The following NR6A1 variants were observed in gnomAD, a reference collection of about 807,000 sequenced individuals.
NR6A1 encodes nuclear receptor subfamily 6 group A member 1.
A neutral mutation model predicts 59.1 loss-of-function variants in NR6A1; 7 were observed. The ratio of observed to expected loss-of-function variants is 0.12; its 90% CI spans 0.07 to 0.22. NR6A1 has a LOEUF of 0.22. NR6A1 is among the 10% of genes least tolerant of loss of function. The pLI is 1.00. For missense variants in NR6A1, 468 were observed against 611.6 expected (o/e 0.77, Z 2.48); for synonymous variants, 243 against 236.1 (o/e 1.03, Z -0.27).
At chr9:124,573,639 T>C (rs1834509922) in intron 2 of NR6A1, among the ~76,000 whole-genome samples, 1 of 152,204 alleles carries the variant, frequency 6.6e-6, no homozygotes, top group Non-Finnish European at 1.5e-5. Context: ...TCCACATTTT[T>C]ATGTCCGAGT....
Position 124,526,615 on chromosome 9 carries a change from G to A in NR6A1, c.1201+164C>T, listed in dbSNP as rs531039380. On this transcript the variant is annotated intron_variant, in intron 8 of 9. Transcript: ENST00000487099. ...GCATTCCCTGTACTATAAGGGTCAG[G>A]GTGATGACAAGGGGGTGCACAAGTC... 7.2e-5 allele frequency among the ~76,000 whole-genome samples: 11 copies of A among 152,186 alleles called. No homozygotes were observed. The South Asian group carries it at 2.3e-3, about 32-fold the overall frequency.
At position 124,519,022 on chromosome 9, in the gene NR6A1, C is replaced by G. The variant is rs965941016; in HGVS notation, c.*3683G>C. 3.3e-5 allele frequency: 5 copies of G among 152,118 alleles called. No individual in the cohort carries two copies. Among genetic ancestry groups the G allele is most frequent in the Admixed American group, 6.5e-5 (1 of 15,274 alleles). 9.4% of individuals were successfully genotyped at this position (152,118 alleles called of 1,614,324 possible). On this transcript the variant is annotated 3_prime_UTR_variant, in exon 10 of 10. Transcript: ENST00000487099. ...GTGGGTTTGTCTGTCTCCATCAGTC[C>G]CATTCCCCCAGGAAATCAAGAACAA...
At chr9:124,705,249 T>C (rs1839089739) in intron 2 of NR6A1, among the ~76,000 whole-genome samples, 1 of 152,236 alleles carries the variant, frequency 6.6e-6, no homozygotes. Flanking sequence ...GCTAATTTCC[T>C]ATCAATTATT....
At position 124,707,230 on chromosome 9, in the gene NR6A1, C is replaced by T. The variant is rs79589777; in HGVS notation, c.142+26078G>A. ...TTCTTCATATTGAATATTTTTAATTCATCTATCTACAAGTTCACCAATTCT... is the reference window on the plus strand; with the variant it reads ...TTCTTCATATTGAATATTTTTAATTTATCTATCTACAAGTTCACCAATTCT... On this transcript the variant is annotated intron_variant, in intron 2 of 9. Coordinates refer to ENST00000487099, the MANE Select transcript of NR6A1 (RefSeq NM_033334.4). Among the ~76,000 whole-genome samples the T allele has an allele frequency of 3.3e-5, 5 of 152,138 alleles. No homozygotes were observed. In the South Asian group the frequency reaches 1.0e-3, roughly 32 times the overall value.
Position 124,630,219 on chromosome 9 carries a change from T to TG in NR6A1, c.143-75650_143-75649insC, listed in dbSNP as rs1164587928. Among the ~76,000 whole-genome samples, 3 of 147,126 alleles carry TG rather than the reference T, an allele frequency of 2.0e-5. 1 individual carries two copies. Among genetic ancestry groups the TG allele is most frequent in the Admixed American group, 1.4e-4 (2 of 14,712 alleles). On this transcript the variant is annotated intron_variant, in intron 2 of 9. Coordinates refer to ENST00000487099, the MANE Select transcript of NR6A1 (RefSeq NM_033334.4). Reference sequence around the variant, plus strand: ...CAGTTCCTCCAAATCAGTTTTTTTTTTTTTTTTTTTTTTGAGACGGAGTTT... The same window carrying TG: ...CAGTTCCTCCAAATCAGTTTTTTTTTGTTTTTTTTTTTTTGAGACGGAGTTT...
intron 2 of NR6A1, among the ~76,000 whole-genome samples, chr9:124,560,925 A>G (rs1834068535): frequency 6.6e-6 from 1 of 152,082 alleles, no homozygotes; most frequent in Admixed American, 6.6e-5. Context: ...GAACAGACAT[A>G]CACTGCAATC....
intron 3 of NR6A1, among the ~76,000 whole-genome samples, chr9:124,552,609 A>G (rs1833810945): frequency 6.6e-6 from 1 of 152,212 alleles, no homozygotes; most frequent in Admixed American, 6.5e-5. Flanking sequence ...GCTCTGCTTA[A>G]TAACAAATTA....
rs555430085 is a variant in NR6A1, at chr9:124,628,270, C to G, written c.143-73700G>C. ...CTTGAACTCCTGACCTCAGGTGATC[C>G]GCCCGCCTCGGCCTCCAAAAGTGCC... On this transcript the variant is annotated intron_variant, in intron 2 of 9. Transcript: ENST00000487099. 1.3e-4 allele frequency among the ~76,000 whole-genome samples: 19 copies of G among 151,946 alleles called. 1 individual carries two copies. In the South Asian group the frequency reaches 3.9e-3, roughly 32 times the overall value.
chr9:124,724,535 A>C (rs769126444), intron 2 of NR6A1, among the ~76,000 whole-genome samples: 9 of 139,124 alleles, frequency 6.5e-5, no homozygotes. Flanking sequence ...AGCACATACC[A>C]AAAAAAAAAA....
At chr9:124,561,888 G>A (rs965040479) in intron 2 of NR6A1, among the ~76,000 whole-genome samples, 1 of 152,018 alleles carries the variant, frequency 6.6e-6, no homozygotes, top group African/African-American at 2.4e-5. Context: ...CTCCAGCCTG[G>A]GTGACAGAGT....
rs528959514 is a variant in NR6A1, at chr9:124,550,413, G to GGTGGAGT, written c.385+3908_385+3914dup. Among the ~76,000 whole-genome samples, 507 of 145,952 alleles carry GGTGGAGT rather than the reference G, an allele frequency of 3.5e-3. 2 individuals carry two copies. Among genetic ancestry groups the GGTGGAGT allele is most frequent in the African/African-American group, 0.012 (474 of 39,484 alleles). On this transcript the variant is annotated intron_variant, in intron 3 of 9. Transcript: ENST00000487099. Reference sequence around the variant, plus strand: ...TTTTTTTTTTTGGTTTGTTGCCCAGGGTGGAGTACAATGGCATGATCTTGG... The same window carrying GGTGGAGT: ...TTTTTTTTTTTGGTTTGTTGCCCAGGGTGGAGTGTGGAGTACAATGGCATGATCTTGG...
chr9:124,670,231 A>C (rs190263677), intron 2 of NR6A1, among the ~76,000 whole-genome samples: 36 of 151,902 alleles, frequency 2.4e-4, no homozygotes, highest in African/African-American at 8.7e-4. Flanking sequence ...AAAAAAAAAA[A>C]AAATCAAAAA....
chr9:124,710,816 C>A (rs1032459484), intron 2 of NR6A1, among the ~76,000 whole-genome samples: 2 of 152,174 alleles, frequency 1.3e-5, no homozygotes, highest in African/African-American at 4.8e-5. Flanking sequence ...GGAAATCTTA[C>A]AGTTCTCAGA....
At chr9:124,529,136 A>G (rs1185860635) in intron 7 of NR6A1, among the ~76,000 whole-genome samples, 1 of 152,140 alleles carries the variant, frequency 6.6e-6, no homozygotes, top group Admixed American at 6.5e-5. Context: ...GGCTTTTACA[A>G]CTTTACTGAT....
intron 2 of NR6A1, among the ~76,000 whole-genome samples, chr9:124,645,249 A>G (rs527328216): frequency 5.9e-5 from 9 of 152,356 alleles, no homozygotes; most frequent in Non-Finnish European, 1.3e-4. Flanking sequence ...AAAGAGAACA[A>G]GGACAACAAA....
chr9:124,681,445 G>A (rs141227657), intron 2 of NR6A1, among the ~76,000 whole-genome samples: 239 of 150,886 alleles, frequency 1.6e-3, no homozygotes, highest in African/African-American at 5.6e-3. Flanking sequence ...GGGTTCAGGC[G>A]ATTCTCCTGC....
At chr9:124,579,490 G>A (rs1332779629) in intron 2 of NR6A1, among the ~76,000 whole-genome samples, 2 of 152,160 alleles carry the variant, frequency 1.3e-5, no homozygotes, top group African/African-American at 2.4e-5. Context: ...CTGGGAGGTT[G>A]AAGCTACAGT....
intron 2 of NR6A1, among the ~76,000 whole-genome samples, chr9:124,691,034 TA>T (rs1333923369): frequency 6.6e-6 from 1 of 152,182 alleles, no homozygotes; most frequent in African/African-American, 2.4e-5. Context: ...TCAAAATCAG[TA>T]TTTTTTTTAA....
Position 124,540,110 on chromosome 9 carries a change from A to T in NR6A1, c.519T>A (p.Gly173=). The part of the protein sequence containing the change: ...EEEANHWSNH[G]DSDHSSPGNR... The stretch of plus-strand genomic sequence containing the variant: ...TCCCAGGGGAACTGTGGTCACTATC[A>T]CCATGGTTGCTCCAGTGATTGGCCT... Residue 173 remains glycine (G), a synonymous_variant, in exon 5 of 10, where the codon GGT becomes GGA. Transcript: ENST00000487099. 6.2e-7 allele frequency: 1 copy of T among 1,613,498 alleles called. No homozygotes were observed. Among genetic ancestry groups the T allele is most frequent in the South Asian group, 1.1e-5 (1 of 91,036 alleles).
Sources: gnomAD v4.1 joint callset for allele counts (sites outside exome capture counted in the v4.1 genomes callset) on GRCh38, gnomAD v4.1.1 for gene constraint, MANE v1.5 for transcripts, NCBI Gene and HGNC (gene_info 2026-07-23, HGNC 2026-07-21) for gene names.